Variants in GRSF1 observed in about 807,000 individuals in gnomAD.
GRSF1 encodes the protein G-rich RNA sequence binding factor 1.
GRSF1 carries 50 observed loss-of-function variants against 51.1 expected under a neutral mutation model. The observed-to-expected ratio is 0.98, with a 90% CI of 0.78 to 1.24. The LOEUF is 1.24. Ranked by LOEUF, GRSF1 falls within the 50% of genes most tolerant of loss-of-function variation. GRSF1 has a pLI of 0.00. For synonymous variants in GRSF1, 293 were observed against 253.3 expected (o/e 1.16, Z -1.49); for missense variants, 700 against 639.7 (o/e 1.09, Z -1.02).
rs1454451350 is a variant in GRSF1, at chr4:70,819,881, TGACA to T, written c.*1002_*1005del. 1 of 152,676 alleles carries T rather than the reference TGACA, an allele frequency of 6.5e-6. No individual in the cohort carries two copies. The highest frequency in any genetic ancestry group is 6.5e-5 in the Admixed American group (1 of 15,284). The allele number at this position is 152,676 out of a possible 1,614,324, so 9.5% of individuals were successfully genotyped here. A position where few individuals can be genotyped will look rare whatever the true frequency, so the allele number is the denominator to read the frequency against. On this transcript the variant is annotated 3_prime_UTR_variant, in exon 10 of 10. Transcript: ENST00000254799. ...TAAAGCAGAAAGTACTGCCACATTG[TGACA>T]GAAGTACAGCTTTATCCATAAACCC...
chr4:70,826,870 C>CAT (rs1158148179), intron 6 of GRSF1, among the ~76,000 whole-genome samples: 6 of 152,016 alleles, frequency 3.9e-5, no homozygotes, highest in Non-Finnish European at 8.8e-5. Context: ...TATATATACA[C>CAT]ATATATATAG....
intron 9 of GRSF1, among the ~76,000 whole-genome samples, chr4:70,821,542 G>A (rs1224178484): frequency 6.6e-6 from 1 of 150,884 alleles, no homozygotes; most frequent in Non-Finnish European, 1.5e-5. Context: ...GGGGGCGGAG[G>A]TTGCAGTAAG....
intron 8 of GRSF1, 140 bp from the exon 9 acceptor site, chr4:70,824,508 A>C: frequency 3.7e-6 from 2 of 535,282 alleles, no homozygotes; most frequent in Non-Finnish European, 6.9e-6. Flanking sequence ...TAGGCCAGAC[A>C]CGGTGGCTCA....
chr4:70,827,773 A>C, intron 6 of GRSF1, 79 bp downstream of exon 6: 1 of 1,013,574 alleles, frequency 9.9e-7, no homozygotes, highest in Non-Finnish European at 1.5e-6. Flanking sequence ...GCGAGACTTC[A>C]TCTCAAAAAA....
At chr4:70,840,070 CAT>C (rs1734411689), upstream of GRSF1, 2 of 389,778 alleles carry the variant, frequency 5.1e-6, no homozygotes, top group African/African-American at 4.5e-5. Context: ...CGGGGCTGCC[CAT>C]GGTTTGGGCG....
chr4:70,840,807 G>T (rs1403449265), upstream of GRSF1, among the ~76,000 whole-genome samples: 4 of 152,050 alleles, frequency 2.6e-5, no homozygotes, highest in African/African-American at 9.7e-5. Flanking sequence ...TCCTGCTCTG[G>T]GTAGGGCCGA....
At chr4:70,835,038 A>G (rs1050386650) in intron 2 of GRSF1, among the ~76,000 whole-genome samples, 8 of 152,190 alleles carry the variant, frequency 5.3e-5, no homozygotes, top group Admixed American at 5.2e-4. Flanking sequence ...AAGTGAAAAC[A>G]TACAGTATTA....
chr4:70,822,186 G>C (rs1437876985), intron 9 of GRSF1, among the ~76,000 whole-genome samples: 2 of 151,108 alleles, frequency 1.3e-5, no homozygotes, highest in Non-Finnish European at 3.0e-5. Context: ...ACTTCCTAAG[G>C]CAAAAAAAAA....
chr4:70,839,123 G>C (rs535478397), intron 1 of GRSF1: 16 of 1,301,514 alleles, frequency 1.2e-5, no homozygotes, highest in African/African-American at 3.0e-5. Context: ...ACAACCAGCC[G>C]GCGGAAAGCA....
At chr4:70,827,359 A>G (rs1285375702) in intron 6 of GRSF1, among the ~76,000 whole-genome samples, 1 of 152,128 alleles carries the variant, frequency 6.6e-6, no homozygotes, top group East Asian at 1.9e-4. Flanking sequence ...CTTAATTTAA[A>G]TGTTGACATC....
chr4:70,839,351 G>A lies in GRSF1; in HGVS notation c.357+120C>T, dbSNP rs1348868330. The A allele has an allele frequency of 1.3e-5, 19 of 1,504,988 alleles. No individual in the cohort carries two copies. In the East Asian group the frequency reaches 4.7e-4, roughly 37 times the overall value. The allele number at this position is 1,504,988 out of a possible 1,614,324, so 93.2% of individuals were successfully genotyped here. On this transcript the variant is annotated intron_variant, in intron 1 of 9. Transcript: ENST00000254799. ...GGGTGGACGGGGGCGGGTGTGCGGC[G>A]AGTGTCGCGGATCCCCGGGCGTGCC...
chr4:70,827,757 A>G (rs1578298500), intron 6 of GRSF1, 95 bp downstream of exon 6: 2 of 850,502 alleles, frequency 2.4e-6, no homozygotes, highest in East Asian at 4.9e-5. Flanking sequence ...CCAGCCTGGC[A>G]ACAGAGCGAG....
chr4:70,835,129 CT>C (rs1005070632), intron 2 of GRSF1, among the ~76,000 whole-genome samples: 39 of 152,036 alleles, frequency 2.6e-4, no homozygotes, highest in Non-Finnish European at 4.7e-4. Flanking sequence ...TAATCTCACT[CT>C]TTGTTATGGC....
intron 1 of GRSF1, among the ~76,000 whole-genome samples, chr4:70,836,915 C>A (rs984136216): frequency 1.3e-5 from 2 of 152,184 alleles, no homozygotes; most frequent in Non-Finnish European, 2.9e-5. Flanking sequence ...TTAATTCCAA[C>A]TGTTTAAATT....
rs975916812 is a variant in GRSF1, at chr4:70,832,404, C to T, written c.717G>A (p.Leu239=). The T allele has an allele frequency of 1.2e-6, 2 of 1,610,702 alleles. No individual in the cohort carries two copies. The highest frequency in any genetic ancestry group is 1.7e-6 in the Non-Finnish European group (2 of 1,176,962). The part of the protein sequence containing the change: ...NEDVDALMKS[L]QVKSSPVVND... Reference sequence around the variant, plus strand: ...TTACCACAGGCGAAGATTTGACCTGCAAGCTCTTCATTAAGGCATCCACAT... The same window carrying T: ...TTACCACAGGCGAAGATTTGACCTGTAAGCTCTTCATTAAGGCATCCACAT... Residue 239 remains leucine, a synonymous_variant, in exon 4 of 10, where the codon TTG becomes TTA. Coordinates refer to ENST00000254799, the MANE Select transcript of GRSF1 (RefSeq NM_002092.4).
intron 6 of GRSF1, among the ~76,000 whole-genome samples, chr4:70,827,248 A>C (rs1733773067): frequency 6.6e-6 from 1 of 151,176 alleles, no homozygotes; most frequent in Non-Finnish European, 1.5e-5. Flanking sequence ...AGAGTGCGCC[A>C]CTGCACTCCA....
intron 9 of GRSF1, among the ~76,000 whole-genome samples, chr4:70,821,673 CTTTTT>C (rs377564579): frequency 2.8e-5 from 3 of 107,128 alleles, no homozygotes; most frequent in Admixed American, 9.9e-5. Context: ...TTTTTTGTTC[CTTTTT>C]TTTTTTTTTT....
intron 5 of GRSF1, among the ~76,000 whole-genome samples, chr4:70,830,028 T>C (rs1010909598): frequency 6.6e-6 from 1 of 152,210 alleles, no homozygotes; most frequent in Non-Finnish European, 1.5e-5. Flanking sequence ...CATCCTGAGG[T>C]GATGTCAACA....
In GRSF1 at chr4:70,816,356, A is replaced by G. The variant is rs924903804; in HGVS notation, c.*4531T>C. The G allele has an allele frequency of 2.6e-5, 4 of 151,770 alleles. No homozygotes were observed. Among genetic ancestry groups the G allele is most frequent in the Non-Finnish European group, 4.4e-5 (3 of 68,036 alleles). The allele number at this position is 151,770 out of a possible 1,614,324, so 9.4% of individuals were successfully genotyped here. On this transcript the variant is annotated 3_prime_UTR_variant, in exon 10 of 10. Coordinates refer to ENST00000254799, the MANE Select transcript of GRSF1 (RefSeq NM_002092.4). ...TACAAGACTCCATCTCAAAAAAAAA[A>G]AAAAAAAAAGAAAAAACCTCATCAA...
Sources: allele counts gnomAD v4.1 joint callset (sites outside exome capture counted in the v4.1 genomes callset), GRCh38; gene constraint gnomAD v4.1.1; transcripts MANE v1.5; gene names NCBI Gene and HGNC (gene_info 2026-07-23, HGNC 2026-07-21).